MGMT: variants seen among roughly 807,000 people sequenced by gnomAD.
MGMT encodes the protein methylated-DNA--protein-cysteine methyltransferase.
MGMT carries 14 observed loss-of-function variants against 15.9 expected under a neutral mutation model. That is an observed-to-expected ratio of 0.88 (90% CI 0.58 to 1.37). The LOEUF is 1.37. MGMT is among the 40% of genes most tolerant of loss of function. MGMT has a pLI of 0.00. For missense variants in MGMT, 282 were observed against 268.1 expected, an observed-to-expected ratio of 1.05 and a Z score of -0.36; for synonymous variants, 130 against 118.2, an observed-to-expected ratio of 1.10 and a Z score of -0.65.
At chr10:129,628,629 A>G (rs1015587425) in intron 2 of MGMT, among the ~76,000 whole-genome samples, 2 of 152,164 alleles carry the variant, frequency 1.3e-5, no homozygotes, top group Non-Finnish European at 2.9e-5. Context: ...TGGGGAAAGA[A>G]CTCAATGAGT....
At chr10:129,555,910 T>A (rs1298794583) in intron 2 of MGMT, among the ~76,000 whole-genome samples, 3 of 152,184 alleles carry the variant, frequency 2.0e-5, no homozygotes, top group Non-Finnish European at 4.4e-5. Context: ...CCACTGGGAC[T>A]CTCTAGGGCC....
At chr10:129,500,410 T>C (rs938848795) in intron 1 of MGMT, among the ~76,000 whole-genome samples, 8 of 152,158 alleles carry the variant, frequency 5.3e-5, no homozygotes, top group African/African-American at 9.7e-5. Context: ...CGCTTGACTT[T>C]AGGCTTCTAC....
intron 2 of MGMT, among the ~76,000 whole-genome samples, chr10:129,562,724 C>T (rs986736165): frequency 3.3e-5 from 5 of 152,170 alleles, no homozygotes; most frequent in African/African-American, 4.8e-5. Flanking sequence ...CTCGGCCACA[C>T]GTGGCTGTGG....
chr10:129,707,634 A>G (rs1042251784), intron 2 of MGMT, among the ~76,000 whole-genome samples: 3 of 152,188 alleles, frequency 2.0e-5, no homozygotes, highest in Admixed American at 2.0e-4. Context: ...ACAAAGGGAC[A>G]CTGTCACTTG....
At chr10:129,514,208 G>A (rs556196107) in intron 1 of MGMT, among the ~76,000 whole-genome samples, 2 of 152,240 alleles carry the variant, frequency 1.3e-5, no homozygotes, top group South Asian at 2.1e-4. Flanking sequence ...GGTTTTCCTC[G>A]TGATAGTGAG....
chr10:129,753,772 G>A (rs1848775614), intron 3 of MGMT, among the ~76,000 whole-genome samples: 1 of 151,988 alleles, frequency 6.6e-6, no homozygotes, highest in African/African-American at 2.4e-5. Context: ...CAACTTTTGG[G>A]TCATCTCAGC....
At chr10:129,467,499 G>A (rs1048719916) in intron 1 of MGMT, 5 of 895,512 alleles carry the variant, frequency 5.6e-6, no homozygotes, top group Non-Finnish European at 6.7e-6. Context: ...TGGGGTTCCT[G>A]GACTAGGCTG....
In MGMT at chr10:129,743,267, T is replaced by A. The variant is rs776693624; in HGVS notation, c.275-15935T>A. Among the ~76,000 whole-genome samples the A allele has an allele frequency of 1.2e-3, 184 of 152,206 alleles. 2 individuals carry two copies. Among genetic ancestry groups the A allele is most frequent in the South Asian group, 8.3e-4 (4 of 4,828 alleles). ...CACTCAGGAGGGTTCCACTGGTGCT[T>A]GCCGGCGAACGCCACCATTTTTTGC... On this transcript the variant is annotated intron_variant, in intron 3 of 4. Coordinates refer to ENST00000651593, the MANE Select transcript of MGMT (RefSeq NM_002412.5).
At chr10:129,581,051 ACT>A (rs1311309885) in intron 2 of MGMT, among the ~76,000 whole-genome samples, 2 of 152,160 alleles carry the variant, frequency 1.3e-5, no homozygotes, top group African/African-American at 2.4e-5. Context: ...AGCACATGAC[ACT>A]CTGTGAGGAA....
chr10:129,643,895 C>A (rs1021210627), intron 2 of MGMT, among the ~76,000 whole-genome samples: 5 of 152,164 alleles, frequency 3.3e-5, no homozygotes, highest in South Asian at 2.1e-4. Context: ...ATGATGGTAA[C>A]CTGGCTTGAG....
In MGMT at chr10:129,542,539, G is replaced by A. The variant is rs146967728; in HGVS notation, c.125+6162G>A. ...CAGTAAAAATAACATCCAAAAAAAC[G>A]CGCTCTGTAGGACTTTTACCTGCGG... On this transcript the variant is annotated intron_variant, in intron 2 of 4. Coordinates refer to ENST00000651593, the MANE Select transcript of MGMT (RefSeq NM_002412.5). Among the ~76,000 whole-genome samples, 405 of 152,200 alleles carry A rather than the reference G, an allele frequency of 2.7e-3. 2 individuals are homozygous for A. The highest frequency in any genetic ancestry group is 9.2e-3 in the African/African-American group (380 of 41,510).
intron 3 of MGMT, among the ~76,000 whole-genome samples, chr10:129,741,699 G>A (rs1227584430): frequency 6.6e-6 from 1 of 152,220 alleles, no homozygotes. Flanking sequence ...CACCACCAAG[G>A]CTGCTTTCCA....
intron 3 of MGMT, among the ~76,000 whole-genome samples, chr10:129,732,341 T>A (rs1383438177): frequency 1.4e-5 from 2 of 145,396 alleles, no homozygotes; most frequent in Non-Finnish European, 3.0e-5. Flanking sequence ...TGTGTGATGT[T>A]CCCTGCCCTG....
intron 1 of MGMT, among the ~76,000 whole-genome samples, chr10:129,525,291 GATTTT>G (rs779664336): frequency 8.5e-5 from 13 of 152,266 alleles, no homozygotes; most frequent in South Asian, 6.2e-4. Context: ...AAGAAAACCA[GATTTT>G]ATTTTAAGTA....
rs571463317 is a variant in MGMT at position 129,622,857 on chromosome 10, T to G, written c.126-85038T>G. On this transcript the variant is annotated intron_variant, in intron 2 of 4. Coordinates refer to ENST00000651593, the MANE Select transcript of MGMT (RefSeq NM_002412.5). Reference sequence around the variant, plus strand: ...GGCTTCGTCACATGGCTAAAGGAGATTTGAGTAGCCCCTGGAATGTTGAGT... The same window carrying G: ...GGCTTCGTCACATGGCTAAAGGAGAGTTGAGTAGCCCCTGGAATGTTGAGT... 3.7e-3 allele frequency among the ~76,000 whole-genome samples: 560 copies of G among 152,132 alleles called. 3 individuals are homozygous for G. Among genetic ancestry groups the G allele is most frequent in the Middle Eastern group, 0.017 (5 of 292 alleles).
intron 2 of MGMT, among the ~76,000 whole-genome samples, chr10:129,631,152 T>C (rs1448888122): frequency 7.2e-6 from 1 of 139,326 alleles, no homozygotes; most frequent in East Asian, 2.0e-4. Context: ...CCAGTCTGCT[T>C]TTTTTTTTTG....
At chr10:129,648,727 G>T (rs1395804509) in intron 2 of MGMT, among the ~76,000 whole-genome samples, 4 of 151,842 alleles carry the variant, frequency 2.6e-5, no homozygotes, top group African/African-American at 9.7e-5. Context: ...TCTGTATTTT[G>T]AATGATTTGG....
intron 3 of MGMT, among the ~76,000 whole-genome samples, chr10:129,715,755 T>G (rs1160382315): frequency 2.0e-5 from 3 of 152,200 alleles, no homozygotes; most frequent in African/African-American, 7.2e-5. Flanking sequence ...TAGTATAAAA[T>G]TAATAGTGAT....
chr10:129,744,201 G>C (rs1248501896), intron 3 of MGMT, among the ~76,000 whole-genome samples: 2 of 152,318 alleles, frequency 1.3e-5, no homozygotes, highest in East Asian at 3.9e-4. Context: ...TGAGCGCTGG[G>C]ACTCAGTCTG....
Sources: allele counts gnomAD v4.1 joint callset (sites outside exome capture counted in the v4.1 genomes callset), GRCh38; gene constraint gnomAD v4.1.1; transcripts MANE v1.5; gene names NCBI Gene and HGNC (gene_info 2026-07-23, HGNC 2026-07-21).